Variants in CPT1A observed in about 807,000 individuals in gnomAD.
The protein encoded by CPT1A is carnitine O-palmitoyltransferase 1, liver isoform.
A neutral mutation model predicts 100.8 loss-of-function variants in CPT1A; 64 were observed. The observed-to-expected ratio is 0.63, with a 90% confidence interval of 0.52 to 0.78. The LOEUF is 0.78. CPT1A is among the 30% of genes least tolerant of loss of function. CPT1A has a pLI of 0.00. For missense variants in CPT1A, 802 were observed against 1,034.1 expected, an observed-to-expected ratio of 0.78 and a Z score of 3.08; for synonymous variants, 363 against 396.0, an observed-to-expected ratio of 0.92 and a Z score of 0.99.
At chr11:68,837,932 G>A (rs867850255) in intron 1 of CPT1A, among the ~76,000 whole-genome samples, 8 of 152,298 alleles carry the variant, frequency 5.3e-5, no homozygotes, top group Admixed American at 2.6e-4. Flanking sequence ...GAATGTAAGG[G>A]TGAGTTAGGA....
At chr11:68,843,664 G>A (rs371787293), upstream of CPT1A, among the ~76,000 whole-genome samples, 16 of 152,352 alleles carry the variant, frequency 1.1e-4, no homozygotes, top group African/African-American at 3.6e-4. This position sits in a 1 kb window ranked among gnomAD's most constrained non-coding sequence, Gnocchi z 4.0. Flanking sequence ...ATTTCTTTGA[G>A]GTTAGAAGTT....
chr11:68,830,419 G>A (rs763290146), intron 1 of CPT1A, among the ~76,000 whole-genome samples: 7 of 152,176 alleles, frequency 4.6e-5, no homozygotes, highest in African/African-American at 7.2e-5. Context: ...TGGAGCATGG[G>A]AGCCAGGCCA....
rs76733438 is a variant in CPT1A, at chr11:68,830,957, T to C, written c.-14+10818A>G. Among the ~76,000 whole-genome samples the C allele has an allele frequency of 7.6e-3, 1,158 of 152,316 alleles. 15 individuals are homozygous for C. Among genetic ancestry groups the C allele is most frequent in the African/African-American group, 0.026 (1,097 of 41,570 alleles). On this transcript the variant is annotated intron_variant, in intron 1 of 18. Coordinates refer to ENST00000265641, the MANE Select transcript of CPT1A (RefSeq NM_001876.4). ...GTCATCCGAATTGAATCCTGAAGAC[T>C]ATGGACAGTTCTCCAACGCTGAATG...
chr11:68,825,318 T>A (rs1259897346), intron 1 of CPT1A, among the ~76,000 whole-genome samples: 1 of 152,160 alleles, frequency 6.6e-6, no homozygotes, highest in East Asian at 1.9e-4. Flanking sequence ...ATCTCATGTT[T>A]GGAGAGCTCC....
chr11:68,759,542 G>C, intron 18 of CPT1A, 27 bp downstream of exon 18: 1 of 1,484,822 alleles, frequency 6.7e-7, no homozygotes, highest in Admixed American at 1.7e-5. Context: ...CCCATCTTCA[G>C]AAAAAGGAAC....
intron 1 of CPT1A, among the ~76,000 whole-genome samples, chr11:68,820,410 C>T (rs1449216650): frequency 1.3e-5 from 2 of 149,996 alleles, no homozygotes; most frequent in Admixed American, 6.7e-5. Context: ...AGGCTTGGTG[C>T]GGTGGCTCAT....
intron 7 of CPT1A, among the ~76,000 whole-genome samples, chr11:68,795,769 G>T (rs1354588439): frequency 6.6e-6 from 1 of 151,988 alleles, no homozygotes; most frequent in Non-Finnish European, 1.5e-5. Context: ...AATTAGCCGG[G>T]CGTTGTGGCA....
intron 1 of CPT1A, among the ~76,000 whole-genome samples, chr11:68,816,481 GGCCGGCTGCAGAA>G (rs1856392553): frequency 6.6e-6 from 1 of 152,150 alleles, no homozygotes; most frequent in Non-Finnish European, 1.5e-5. Flanking sequence ...AGCATCCCCT[GGCCGGCTGCAGAA>G]AACTGCTTCC....
intron 1 of CPT1A, among the ~76,000 whole-genome samples, chr11:68,819,405 C>T (rs1856519527): frequency 6.6e-6 from 1 of 152,170 alleles, no homozygotes. Context: ...AGCCCCCTTC[C>T]CCATCAAAGC....
upstream of CPT1A, chr11:68,842,038 C>G: frequency 1.1e-6 from 1 of 899,646 alleles, no homozygotes. Context: ...AACTGAGGCT[C>G]GAGCGGGTGC....
chr11:68,821,743 G>A (rs1856590308), intron 1 of CPT1A, among the ~76,000 whole-genome samples: 1 of 151,906 alleles, frequency 6.6e-6, no homozygotes, highest in Non-Finnish European at 1.5e-5. Context: ...TCAATCCTTG[G>A]TTGGTTAAAT....
At chr11:68,817,395 A>G (rs1167278611) in intron 1 of CPT1A, among the ~76,000 whole-genome samples, 1 of 152,052 alleles carries the variant, frequency 6.6e-6, no homozygotes. Flanking sequence ...TCCATATTAC[A>G]AATATTTGTT....
At position 68,757,196 on chromosome 11, in the gene CPT1A, C is replaced by T; in HGVS notation, c.*448G>A. 1.6e-6 allele frequency: 1 copy of T among 641,112 alleles called. No homozygotes were observed. Among genetic ancestry groups the T allele is most frequent in the Non-Finnish European group, 2.0e-6 (1 of 494,288 alleles). The allele number at this position is 641,112 out of a possible 1,614,324, so 39.7% of individuals were successfully genotyped here. On this transcript the variant is annotated 3_prime_UTR_variant, in exon 19 of 19. Coordinates refer to ENST00000265641, the MANE Select transcript of CPT1A (RefSeq NM_001876.4). Reference sequence around the variant, plus strand: ...CAGATGTGTTAGCTACAACTGGGGACACCAACTTGAATAACACATTTTTCT... The same window carrying T: ...CAGATGTGTTAGCTACAACTGGGGATACCAACTTGAATAACACATTTTTCT...
At chr11:68,837,377 C>A (rs1033484081) in intron 1 of CPT1A, among the ~76,000 whole-genome samples, 1 of 152,198 alleles carries the variant, frequency 6.6e-6, no homozygotes, top group South Asian at 2.1e-4. Context: ...CAGAACACAG[C>A]GTTAGGAAAG....
At chr11:68,780,425 AG>A (rs1855273704) in intron 12 of CPT1A, among the ~76,000 whole-genome samples, 1 of 152,208 alleles carries the variant, frequency 6.6e-6, no homozygotes, top group African/African-American at 2.4e-5. Flanking sequence ...CTGGGGCTAC[AG>A]GCATGCACCA....
At chr11:68,816,914 GGT>G (rs143274574) in intron 1 of CPT1A, among the ~76,000 whole-genome samples, 103,847 of 120,514 alleles carry the variant, frequency 0.86, 46,360 homozygotes, top group Non-Finnish European at 0.97. Context: ...GTGTGTGTGT[GGT>G]GTGTGTGTGG....
At position 68,755,154 on chromosome 11, in the gene CPT1A, A is replaced by G. The variant is rs1311057243; in HGVS notation, c.*2490T>C. 3.6e-5 allele frequency: 13 copies of G among 359,668 alleles called. No individual in the cohort carries two copies. Among genetic ancestry groups the G allele is most frequent in the Non-Finnish European group, 6.7e-5 (13 of 193,664 alleles). 22.3% of individuals were successfully genotyped at this position (359,668 alleles called of 1,614,324 possible). ...TTGATAACTGCACTGATGAGCAACAATTACATTTGAAACATTTAAAACCTG... is the reference window on the plus strand; with the variant it reads ...TTGATAACTGCACTGATGAGCAACAGTTACATTTGAAACATTTAAAACCTG... On this transcript the variant is annotated 3_prime_UTR_variant, in exon 19 of 19. Transcript: ENST00000265641.
intron 8 of CPT1A, 97 bp from the exon 9 acceptor site, chr11:68,793,499 A>C: frequency 1.1e-6 from 1 of 902,552 alleles, no homozygotes; most frequent in Non-Finnish European, 1.7e-6. Context: ...TAATCCCAAC[A>C]CTTTGGGAGG....
chr11:68,824,491 G>T (rs1203231237), intron 1 of CPT1A, among the ~76,000 whole-genome samples: 2 of 152,042 alleles, frequency 1.3e-5, no homozygotes, highest in Admixed American at 6.6e-5. Flanking sequence ...TTTAAAAAAA[G>T]ACTCATTCAA....
Sources: allele counts gnomAD v4.1 joint callset (sites outside exome capture counted in the v4.1 genomes callset), GRCh38; gene constraint gnomAD v4.1.1; non-coding constraint Gnocchi (gnomAD v3.1); transcripts MANE v1.5; gene names NCBI Gene and HGNC (gene_info 2026-07-23, HGNC 2026-07-21).